CREBBP: variants seen among roughly 807,000 people sequenced by gnomAD.
The protein encoded by CREBBP is CREB-binding protein.
A neutral mutation model predicts 265.0 loss-of-function variants in CREBBP; 19 were observed. The ratio of observed to expected loss-of-function variants is 0.07; its 90% confidence interval spans 0.05 to 0.11. The LOEUF (loss-of-function observed/expected upper bound fraction) is 0.11, where lower values mean the gene tolerates loss of function less well. Ranked by LOEUF, CREBBP falls within the 10% of genes least tolerant of loss-of-function variation. The pLI is 1.00. For synonymous variants in CREBBP, 1,457 were observed against 1,223.7 expected, an observed-to-expected ratio of 1.19 and a Z score of -3.98; for missense variants, 2,525 against 3,219.0, an observed-to-expected ratio of 0.78 and a Z score of 5.22.
At chr16:3,772,624 CA>C (rs966371901) in intron 13 of CREBBP, among the ~76,000 whole-genome samples, 18 of 152,148 alleles carry the variant, frequency 1.2e-4, no homozygotes, top group African/African-American at 4.3e-4. Context: ...GAATGGCCTG[CA>C]AAGCTGAAAA....
chr16:3,869,921 T>C (rs1478621507), intron 1 of CREBBP, among the ~76,000 whole-genome samples: 1 of 152,194 alleles, frequency 6.6e-6, no homozygotes, highest in Non-Finnish European at 1.5e-5. Flanking sequence ...CCTCAGAGAC[T>C]TCTCAACAGA....
At position 3,745,264 on chromosome 16, in the gene CREBBP, G is replaced by A. The variant is rs374741876; in HGVS notation, c.3914+13C>T. The A allele has an allele frequency of 3.0e-5, 48 of 1,612,176 alleles. No individual in the cohort carries two copies. The highest frequency in any genetic ancestry group is 4.0e-5 in the Non-Finnish European group (47 of 1,179,068). On this transcript the variant is annotated intron_variant, in intron 22 of 30. Transcript: ENST00000262367. ...GTGCAGAACTGCCCTCCAGGCCAGG[G>A]GAAACAACTCACCCTGAAGGCCAAA... is the stretch of plus-strand genomic sequence containing the variant.
intron 2 of CREBBP, among the ~76,000 whole-genome samples, chr16:3,817,807 T>C (rs1382790658): frequency 6.6e-6 from 1 of 152,066 alleles, no homozygotes; most frequent in Non-Finnish European, 1.5e-5. Context: ...AGGCAGTCCA[T>C]GGGGGCAGGG....
intron 1 of CREBBP, among the ~76,000 whole-genome samples, chr16:3,871,400 TC>T (rs2055296980): frequency 6.6e-6 from 1 of 152,228 alleles, no homozygotes; most frequent in Admixed American, 6.5e-5. Context: ...CAACTGTGAC[TC>T]ACAGTTAGAA....
chr16:3,748,541 G>GTT (rs2052400779), intron 21 of CREBBP, among the ~76,000 whole-genome samples: 2 of 152,180 alleles, frequency 1.3e-5, no homozygotes, highest in Admixed American at 1.3e-4. Context: ...AGGTGGCCTG[G>GTT]GTAGAAATCT....
intron 14 of CREBBP, 80 bp downstream of exon 14, chr16:3,770,490 C>A (rs1332998616): frequency 6.6e-7 from 1 of 1,521,698 alleles, no homozygotes; most frequent in Non-Finnish European, 9.0e-7. Context: ...ACCACCGCGC[C>A]TGGCCTGACA....
intron 16 of CREBBP, among the ~76,000 whole-genome samples, chr16:3,765,741 A>G (rs531961159): frequency 6.6e-6 from 1 of 152,278 alleles, no homozygotes; most frequent in Admixed American, 6.5e-5. Flanking sequence ...TTGACCTCCC[A>G]GGCTCAGGTG....
At chr16:3,846,487 T>C (rs1001913480) in intron 2 of CREBBP, among the ~76,000 whole-genome samples, 32 of 152,242 alleles carry the variant, frequency 2.1e-4, no homozygotes, top group Non-Finnish European at 1.0e-4. Context: ...CACTCAGCTG[T>C]ACAAAGATAT....
rs1388697947 is a variant in CREBBP, at chr16:3,731,745, G to A, written c.4890+31C>T. On this transcript the variant is annotated intron_variant, in intron 29 of 30. Coordinates refer to ENST00000262367, the MANE Select transcript of CREBBP (RefSeq NM_004380.3). The surrounding 1 kb of genome is among the most constrained non-coding windows in gnomAD (Gnocchi z 7.7). The stretch of plus-strand genomic sequence containing the variant: ...AGTCTTTCCCTCCTCCCGGCCAGAG[G>A]CACGGCTGCAGCACCGCAGCCCACG... The A allele has an allele frequency of 1.2e-6, 2 of 1,613,790 alleles. No individual in the cohort carries two copies. Among genetic ancestry groups the A allele is most frequent in the South Asian group, 2.2e-5 (2 of 91,074 alleles).
At chr16:3,766,929 C>A (rs776281858) in intron 16 of CREBBP, among the ~76,000 whole-genome samples, 2 of 152,172 alleles carry the variant, frequency 1.3e-5, no homozygotes, top group Non-Finnish European at 2.9e-5. Context: ...CTGAGATTCA[C>A]TGTACTCCAC....
intron 23 of CREBBP, chr16:3,743,042 A>T: frequency 6.6e-6 from 1 of 152,202 alleles, no homozygotes; most frequent in East Asian, 1.9e-4. Flanking sequence ...AATTTGCTCA[A>T]ATGCATTAGC....
intron 2 of CREBBP, among the ~76,000 whole-genome samples, chr16:3,847,811 G>A (rs1316436168): frequency 2.6e-5 from 4 of 152,160 alleles, no homozygotes; most frequent in Admixed American, 2.0e-4. Flanking sequence ...CAGACCAACA[G>A]AGAACAGATT....
At chr16:3,759,260 C>A (rs1262760990) in intron 16 of CREBBP, among the ~76,000 whole-genome samples, 1 of 152,052 alleles carries the variant, frequency 6.6e-6, no homozygotes, top group Non-Finnish European at 1.5e-5. Flanking sequence ...AGCTAACTCC[C>A]AAATCTGTCT....
chr16:3,835,782 A>G (rs919834220), intron 2 of CREBBP, among the ~76,000 whole-genome samples: 3 of 151,546 alleles, frequency 2.0e-5, no homozygotes, highest in Non-Finnish European at 2.9e-5. Context: ...GGGTTTCACC[A>G]CGTTAGCCAG....
At chr16:3,788,738 G>A (rs1206724011) in intron 5 of CREBBP, among the ~76,000 whole-genome samples, 1 of 152,220 alleles carries the variant, frequency 6.6e-6, no homozygotes, top group East Asian at 1.9e-4. Flanking sequence ...GATCACTTGA[G>A]CTCAGGAGTT....
intron 22 of CREBBP, 60 bp downstream of exon 22, chr16:3,745,217 C>T (rs2052313070): frequency 6.8e-7 from 1 of 1,473,472 alleles, no homozygotes; most frequent in Non-Finnish European, 9.4e-7. Flanking sequence ...GTAGCCACTG[C>T]AACTGCCCCG....
intron 21 of CREBBP, among the ~76,000 whole-genome samples, chr16:3,746,559 TG>T (rs1451925688): frequency 6.6e-6 from 1 of 152,168 alleles, no homozygotes; most frequent in Non-Finnish European, 1.5e-5. Context: ...TTTCAAAGGT[TG>T]GGGCCAAGAA....
chr16:3,806,822 C>T (rs1251966360), intron 3 of CREBBP, among the ~76,000 whole-genome samples: 1 of 152,130 alleles, frequency 6.6e-6, no homozygotes, highest in Non-Finnish European at 1.5e-5. Flanking sequence ...ACGCCCTGCT[C>T]CCTTCCCTCA....
Position 3,880,002 on chromosome 16 carries a change from G to A in CREBBP, c.-86C>T, listed in dbSNP as rs1345693317. ...GGGGGTCGGGGGCCCTGCCGGCTGCGAGGGAGAGGAGCGAGCGCGGGCCGC... is the reference window on the plus strand; with the variant it reads ...GGGGGTCGGGGGCCCTGCCGGCTGCAAGGGAGAGGAGCGAGCGCGGGCCGC... On this transcript the variant is annotated 5_prime_UTR_variant, in exon 1 of 31. Coordinates refer to ENST00000262367, the MANE Select transcript of CREBBP (RefSeq NM_004380.3). 8.2e-6 allele frequency: 10 copies of A among 1,215,310 alleles called. No individual in the cohort carries two copies. Among genetic ancestry groups the A allele is most frequent in the Non-Finnish European group, 1.1e-5 (10 of 922,034 alleles). 75.3% of individuals were successfully genotyped at this position (1,215,310 alleles called of 1,614,324 possible). A position where few individuals can be genotyped will look rare whatever the true frequency, so the allele number is the denominator to read the frequency against.
Sources: gnomAD v4.1 joint callset for allele counts (sites outside exome capture counted in the v4.1 genomes callset) on GRCh38, gnomAD v4.1.1 for gene constraint, Gnocchi (gnomAD v3.1) non-coding constraint, MANE v1.5 for transcripts, NCBI Gene and HGNC (gene_info 2026-07-23, HGNC 2026-07-21) for gene names.